The following ZNF592 variants were observed in gnomAD, a reference collection of about 807,000 sequenced individuals.
ZNF592 encodes zinc finger protein 592.
In ZNF592, 11 loss-of-function variants were observed where a neutral mutation model predicts 80.3. The ratio of observed to expected loss-of-function variants is 0.14; its 90% confidence interval spans 0.09 to 0.23. The LOEUF is 0.23. Among genes scored for constraint, ZNF592 ranks in the 10% least tolerant of loss-of-function variants. The pLI is 1.00. For missense variants in ZNF592, 1,420 were observed against 1,633.9 expected (o/e 0.87, Z 2.26); for synonymous variants, 646 against 640.3 (o/e 1.01, Z -0.13).
At chr15:84,775,709 C>T (rs897427468) in intron 2 of ZNF592, among the ~76,000 whole-genome samples, 3 of 152,212 alleles carry the variant, frequency 2.0e-5, no homozygotes, top group African/African-American at 7.2e-5. Flanking sequence ...GGATTACAGG[C>T]ATGAGCCACT....
At position 84,784,668 on chromosome 15, in the gene ZNF592, G is replaced by A. The variant is rs1962536932; in HGVS notation, c.1993G>A (p.Ala665Thr). The change falls in exon 4 of 11, where the codon GCC becomes ACC. Residue 665 changes from alanine (A) to threonine (T), a missense_variant. Transcript: ENST00000560079. This position sits in a 1 kb window ranked among gnomAD's most constrained non-coding sequence, Gnocchi z 5.8. ...CTCTGCGGACCAAATGTTCGTGTCG[G>A]CCCCTGTGAACTCCACGGCACCAGC... ...PISADQMFVSAPVNSTAPAAP... is the reference protein window; with the variant it reads ...PISADQMFVSTPVNSTAPAAP... 1 of 1,614,124 alleles carries A rather than the reference G, an allele frequency of 6.2e-7. No individual in the cohort carries two copies. The highest frequency in any genetic ancestry group is 1.1e-5 in the South Asian group (1 of 91,084).
At chr15:84,754,837 A>C (rs1051914062) in intron 1 of ZNF592, among the ~76,000 whole-genome samples, 1 of 152,166 alleles carries the variant, frequency 6.6e-6, no homozygotes, top group Non-Finnish European at 1.5e-5. Context: ...GAGTGAAGAA[A>C]AGGAGTATGT....
At chr15:84,748,819 C>T (rs1328854303) in intron 1 of ZNF592, among the ~76,000 whole-genome samples, 155 bp downstream of exon 1, 2 of 147,270 alleles carry the variant, frequency 1.4e-5, no homozygotes, top group Admixed American at 1.3e-4. Flanking sequence ...GAGGCGGCAG[C>T]CACTTCCCCC....
In ZNF592 at chr15:84,798,504, A is replaced by G; in HGVS notation, c.2736+30A>G. On this transcript the variant is annotated intron_variant, in intron 7 of 10. Transcript: ENST00000560079. The surrounding 1 kb of genome is among the most constrained non-coding windows in gnomAD (Gnocchi z 4.5). ...GATGCCTTGCGGGAGGAGGCCGGGG[A>G]GGAGGGCACATGCCTCAGGCTGGGG... The G allele has an allele frequency of 6.2e-7, 1 of 1,613,772 alleles. No individual in the cohort carries two copies. Among genetic ancestry groups the G allele is most frequent in the South Asian group, 1.1e-5 (1 of 91,054 alleles).
intron 1 of ZNF592, 84 bp downstream of exon 1, chr15:84,748,748 A>ACCGAGT (rs1312536658): frequency 6.1e-5 from 9 of 146,702 alleles, no homozygotes; most frequent in African/African-American, 2.0e-4. Context: ...CGCAGCCGGG[A>ACCGAGT]CCGAGTCCGA....
intron 1 of ZNF592, among the ~76,000 whole-genome samples, chr15:84,758,379 C>T (rs1336228046): frequency 6.6e-6 from 1 of 150,698 alleles, no homozygotes; most frequent in Non-Finnish European, 1.5e-5. Flanking sequence ...ACCAACCAGG[C>T]TTAGGTGATC....
chr15:84,761,443 T>C (rs1899347963), intron 1 of ZNF592, among the ~76,000 whole-genome samples: 1 of 152,188 alleles, frequency 6.6e-6, no homozygotes, highest in African/African-American at 2.4e-5. Context: ...GACTTGGTAA[T>C]GGCGGGATGC....
chr15:84,772,907 T>A (rs767601180), intron 2 of ZNF592, among the ~76,000 whole-genome samples: 1 of 152,206 alleles, frequency 6.6e-6, no homozygotes, highest in Non-Finnish European at 1.5e-5. Context: ...CTCCTTAATG[T>A]CCTGTTACTG....
At chr15:84,760,135 A>G (rs941053002) in intron 1 of ZNF592, among the ~76,000 whole-genome samples, 1 of 152,110 alleles carries the variant, frequency 6.6e-6, no homozygotes, top group African/African-American at 2.4e-5. Context: ...TGGTTAAAAA[A>G]AAAAAGAACC....
rs1432266901 is a variant in ZNF592 at position 84,783,694 on chromosome 15, G to T, written c.1019G>T (p.Arg340Ile). 6.2e-7 allele frequency: 1 copy of T among 1,614,238 alleles called. No homozygotes were observed. The highest frequency in any genetic ancestry group is 1.1e-5 in the South Asian group (1 of 91,088). Reference protein sequence around the residue: ...KSPRSPLEATRKSIKPSDSPR... With the variant: ...KSPRSPLEATIKSIKPSDSPR... ...CCCCGGAGCCCTCTGGAGGCCACTA[G>T]AAAAAGTATCAAGCCATCGGACAGC... Residue 340 changes from arginine (R) to isoleucine (I), a missense_variant, in exon 4 of 11, where the codon AGA (arginine) becomes ATA (isoleucine). Physicochemically the swap from Arg to Ile is moderately conservative, Grantham distance 97. Transcript: ENST00000560079. The surrounding 1 kb of genome is among the most constrained non-coding windows in gnomAD (Gnocchi z 5.0).
At chr15:84,757,984 T>C (rs531499543) in intron 1 of ZNF592, among the ~76,000 whole-genome samples, 54 of 149,946 alleles carry the variant, frequency 3.6e-4, no homozygotes, top group Non-Finnish European at 6.7e-4. Context: ...TTTTTTTCTT[T>C]TTTTTTGAAA....
chr15:84,783,800 G>C lies in ZNF592; in HGVS notation c.1125G>C (p.Val375=). 6.2e-7 allele frequency: 1 copy of C among 1,614,208 alleles called. No individual in the cohort carries two copies. Among genetic ancestry groups the C allele is most frequent in the Non-Finnish European group, 8.5e-7 (1 of 1,180,036 alleles). Residue 375 remains valine (V), a synonymous_variant, in exon 4 of 11, where the codon GTG becomes GTC. Transcript: ENST00000560079. This position sits in a 1 kb window ranked among gnomAD's most constrained non-coding sequence, Gnocchi z 5.0. ...GCTCCCCACCAGCAATTCCCAAAGT[G>C]AGAATCAAAACCATTAAGACATCAT... ...AASSPPAIPK[V]RIKTIKTSSG...
rs1295463420 is a variant in ZNF592, at chr15:84,806,181, A to T, written c.*3788A>T. On this transcript the variant is annotated 3_prime_UTR_variant, in exon 11 of 11. Transcript: ENST00000560079. ...TCTCTCAGGGTCTGATCTGACCAAG[A>T]CAGCACCTTCTAGATTCTAGAATGT... The T allele has an allele frequency of 6.6e-6, 1 of 152,308 alleles. No individual in the cohort carries two copies. The highest frequency in any genetic ancestry group is 2.1e-4 in the South Asian group (1 of 4,828). The allele number at this position is 152,308 out of a possible 1,614,324, so 9.4% of individuals were successfully genotyped here. A position where few individuals can be genotyped will look rare whatever the true frequency, so the allele number is the denominator to read the frequency against.
At chr15:84,789,638 G>A (rs1444797529) in intron 4 of ZNF592, among the ~76,000 whole-genome samples, 2 of 152,268 alleles carry the variant, frequency 1.3e-5, no homozygotes, top group East Asian at 3.9e-4. Context: ...GTGGGTTTGA[G>A]GTGACCTCCT....
chr15:84,769,137 C>T (rs533821522), intron 2 of ZNF592, among the ~76,000 whole-genome samples: 126 of 152,174 alleles, frequency 8.3e-4, no homozygotes, highest in African/African-American at 2.9e-3. Context: ...GACAGGGTTT[C>T]ACCATGTTGG....
rs1323337250 is a variant in ZNF592 at position 84,784,605 on chromosome 15, C to T, written c.1930C>T (p.Leu644Phe). 6.2e-7 allele frequency: 1 copy of T among 1,614,202 alleles called. No homozygotes were observed. Among genetic ancestry groups the T allele is most frequent in the Admixed American group, 1.7e-5 (1 of 60,032 alleles). Residue 644 changes from leucine (L) to phenylalanine (F), a missense_variant, in exon 4 of 11, where the codon CTC becomes TTC. Transcript: ENST00000560079. The surrounding 1 kb of genome is among the most constrained non-coding windows in gnomAD (Gnocchi z 5.8). The stretch of plus-strand genomic sequence containing the variant: ...CGCCCGTGACCACAAGAGCAAGGGG[C>T]TCGTCATGCAGTGTTCCCAGCTGCT... ...RHARDHKSKG[L>F]VMQCSQLLVK...
In ZNF592 at chr15:84,797,854, C is replaced by G. The variant is rs1962964262; in HGVS notation, c.2400-15C>G. Reference sequence around the variant, plus strand: ...TATACTCCACCCACACTCACACTACCCCACTTCTGTCTAGGTGCATCCACT... The same window carrying G: ...TATACTCCACCCACACTCACACTACGCCACTTCTGTCTAGGTGCATCCACT... On this transcript the variant is annotated splice_polypyrimidine_tract_variant and intron_variant, in intron 5 of 10. Transcript: ENST00000560079. 3 of 1,614,206 alleles carry G rather than the reference C, an allele frequency of 1.9e-6. No homozygotes were observed. The highest frequency in any genetic ancestry group is 2.5e-6 in the Non-Finnish European group (3 of 1,180,034).
intron 1 of ZNF592, among the ~76,000 whole-genome samples, chr15:84,756,351 A>G (rs929934074): frequency 3.3e-5 from 5 of 152,254 alleles, no homozygotes; most frequent in Non-Finnish European, 7.3e-5. Flanking sequence ...TGTAGTTTAC[A>G]ACATTCTACT....
At chr15:84,786,773 A>AG (rs908435812) in intron 4 of ZNF592, among the ~76,000 whole-genome samples, 11 of 145,370 alleles carry the variant, frequency 7.6e-5, no homozygotes, top group African/African-American at 2.8e-4. Flanking sequence ...AGGGGCCATG[A>AG]GGAGGCCCCA....
Sources: gnomAD v4.1 joint callset for allele counts (sites outside exome capture counted in the v4.1 genomes callset) on GRCh38, gnomAD v4.1.1 for gene constraint, Gnocchi (gnomAD v3.1) non-coding constraint, MANE v1.5 for transcripts, NCBI Gene and HGNC (gene_info 2026-07-23, HGNC 2026-07-21) for gene names.